The following CARS2 variants were observed in gnomAD, a reference collection of about 807,000 sequenced individuals.
The protein encoded by CARS2 is probable cysteine--tRNA ligase, mitochondrial.
In CARS2, 52 loss-of-function variants were observed where a neutral mutation model predicts 68.8. The observed-to-expected ratio is 0.76, with a 90% CI of 0.61 to 0.95. The LOEUF is 0.95. Among genes scored for constraint, CARS2 ranks in the 40% least tolerant of loss-of-function variants. The pLI, the probability that CARS2 is intolerant of heterozygous loss-of-function variation, is 0.00. For synonymous variants in CARS2, 314 were observed against 303.6 expected, an observed-to-expected ratio of 1.03 and a Z score of -0.36; for missense variants, 780 against 754.2, an observed-to-expected ratio of 1.03 and a Z score of -0.40.
intron 9 of CARS2, among the ~76,000 whole-genome samples, chr13:110,662,349 T>TCATGCAACCCCAC (rs2062533651): frequency 6.7e-6 from 1 of 149,602 alleles, no homozygotes; most frequent in Non-Finnish European, 1.5e-5. Flanking sequence ...TGCAACCCCA[T>TCATGCAACCCCAC]GGCCAGGCTC....
intron 1 of CARS2, chr13:110,712,764 G>A (rs2064046720): frequency 1.4e-6 from 1 of 706,678 alleles, no homozygotes; most frequent in Non-Finnish European, 2.6e-6. Context: ...ATGACACAGG[G>A]CGGGAAGAGA....
At chr13:110,696,266 AATCCTTTGGGT>A (rs1287654271) in intron 3 of CARS2, among the ~76,000 whole-genome samples, 11 of 147,824 alleles carry the variant, frequency 7.4e-5, no homozygotes, top group Non-Finnish European at 1.5e-4. Flanking sequence ...AATGATTTAT[AATCCTTTGGGT>A]ATATACCCAG....
In CARS2 at chr13:110,645,957, G is replaced by A. The variant is rs141996297; in HGVS notation, c.1317+10C>T. The A allele has an allele frequency of 7.1e-3, 11,370 of 1,610,366 alleles. 69 individuals are homozygous for A. Among genetic ancestry groups the A allele is most frequent in the Middle Eastern group, 0.015 (92 of 6,006 alleles). On this transcript the variant is annotated intron_variant, in intron 12 of 14. Transcript: ENST00000257347. ...AGCAGGACCGCAAGGCCACCTGTTC[G>A]TTGAGCTACCTTCAGGGACGCCCTG... is the stretch of plus-strand genomic sequence containing the variant.
At chr13:110,682,049 C>T (rs1021468886) in intron 6 of CARS2, among the ~76,000 whole-genome samples, 18 of 151,914 alleles carry the variant, frequency 1.2e-4, no homozygotes, top group African/African-American at 4.4e-4. Context: ...CGAGAGTGAA[C>T]CCTGATGCCA....
chr13:110,654,914 CCT>C (rs2062321486), intron 9 of CARS2, among the ~76,000 whole-genome samples: 3 of 131,938 alleles, frequency 2.3e-5, no homozygotes, highest in Non-Finnish European at 4.7e-5. Context: ...ACAGCAAAAC[CCT>C]CTCTCAAAAA....
intron 9 of CARS2, 54 bp from the exon 10 acceptor site, chr13:110,651,154 G>T (rs2062201259): frequency 2.5e-6 from 3 of 1,208,866 alleles, no homozygotes; most frequent in Admixed American, 1.9e-5. Context: ...GCTTCGCACT[G>T]TTCAGAGAAT....
At chr13:110,679,404 C>A (rs2063070746) in intron 6 of CARS2, among the ~76,000 whole-genome samples, 3 of 151,486 alleles carry the variant, frequency 2.0e-5, no homozygotes, top group Admixed American at 1.3e-4. Context: ...GTGGCAGGTG[C>A]CTGTAATCCC....
intron 9 of CARS2, among the ~76,000 whole-genome samples, chr13:110,660,666 T>C (rs1188240718): frequency 6.6e-6 from 1 of 152,050 alleles, no homozygotes; most frequent in East Asian, 1.9e-4. Flanking sequence ...ACAGTGGGCT[T>C]AAAATATTCA....
intron 7 of CARS2, among the ~76,000 whole-genome samples, chr13:110,669,187 T>C (rs2062733902): frequency 6.6e-6 from 1 of 152,154 alleles, no homozygotes; most frequent in Non-Finnish European, 1.5e-5. Flanking sequence ...GGAATCTCTT[T>C]CTGGGTCTTG....
Position 110,713,213 on chromosome 13 carries a change from A to G in CARS2, n.323T>C, listed in dbSNP as rs2064057697. ...AAGTAGATTGGCTACTGCGGTTGCC[A>G]GTTCTGTTTCGGGCCCTACTTATAC... On this transcript the variant is annotated non_coding_transcript_exon_variant, in exon 1 of 3. Coordinates refer to the CARS2 transcript ENST00000485188. 2.1e-6 allele frequency: 3 copies of G among 1,419,464 alleles called. No homozygotes were observed. The East Asian group carries it at 7.6e-5, about 36-fold the overall frequency. The allele number at this position is 1,419,464 out of a possible 1,614,324, so 87.9% of individuals were successfully genotyped here. A position where few individuals can be genotyped will look rare whatever the true frequency, so the allele number is the denominator to read the frequency against.
intron 3 of CARS2, among the ~76,000 whole-genome samples, chr13:110,696,554 C>T (rs2063629468): frequency 6.6e-6 from 1 of 152,174 alleles, no homozygotes; most frequent in Non-Finnish European, 1.5e-5. Context: ...CAGATGTTTT[C>T]ATAACTATGG....
At chr13:110,646,147 C>A in intron 11 of CARS2, 57 bp from the exon 12 acceptor site, 2 of 1,560,076 alleles carry the variant, frequency 1.3e-6, no homozygotes, top group Admixed American at 1.9e-5. Context: ...CCCCAGGCGG[C>A]CCCCACACCA....
At chr13:110,682,490 A>G (rs1352563843) in intron 6 of CARS2, among the ~76,000 whole-genome samples, 3 of 152,250 alleles carry the variant, frequency 2.0e-5, no homozygotes, top group Non-Finnish European at 4.4e-5. Flanking sequence ...TACCTTGAAC[A>G]GTCTTTGGGG....
rs1888068496 is a variant in CARS2 at position 110,646,039 on chromosome 13, G to A, written c.1245C>T (p.Asp415=). ...AVKAALADDF[D]TPRVVDAILG... is the part of the protein sequence containing the mutation. ...GGATGGCATCAACCACCCTGGGTGT[G>A]TCAAAATCATCTGCCAAGGCCGCCT... Residue 415 remains aspartate (D), a synonymous_variant, in exon 12 of 15, where the codon GAC becomes GAT. Transcript: ENST00000257347. 1 of 1,613,994 alleles carries A rather than the reference G, an allele frequency of 6.2e-7. No individual in the cohort carries two copies. The highest frequency in any genetic ancestry group is 1.1e-5 in the South Asian group (1 of 91,058).
chr13:110,680,282 C>T (rs1258779401), intron 6 of CARS2, among the ~76,000 whole-genome samples: 1 of 152,106 alleles, frequency 6.6e-6, no homozygotes, highest in Non-Finnish European at 1.5e-5. Flanking sequence ...ATCCCAGCTA[C>T]TCTGGAGGCT....
chr13:110,655,950 T>C (rs1314421680), intron 9 of CARS2, among the ~76,000 whole-genome samples: 1 of 152,196 alleles, frequency 6.6e-6, no homozygotes, highest in African/African-American at 2.4e-5. Flanking sequence ...AGGCCAGCCT[T>C]CTCCATGCTC....
At chr13:110,706,936 T>C (rs1316084190), upstream of CARS2, among the ~76,000 whole-genome samples, 1 of 143,356 alleles carries the variant, frequency 7.0e-6, no homozygotes, top group Non-Finnish European at 1.5e-5. Flanking sequence ...CAATACACAG[T>C]ATGCACCCTA....
chr13:110,712,538 G>GGGGA, intron 1 of CARS2: 1 of 313,534 alleles, frequency 3.2e-6, no homozygotes, highest in Non-Finnish European at 6.3e-6. Flanking sequence ...GAAGGGGGGG[G>GGGGA]GCCGGCGCGC....
At chr13:110,678,638 G>A (rs145257060) in intron 6 of CARS2, among the ~76,000 whole-genome samples, 10 of 152,310 alleles carry the variant, frequency 6.6e-5, no homozygotes, top group South Asian at 4.1e-4. Flanking sequence ...ACCTTATGCC[G>A]AAGGAAAATA....
Sources: gnomAD v4.1 joint callset for allele counts (sites outside exome capture counted in the v4.1 genomes callset) on GRCh38, gnomAD v4.1.1 for gene constraint, MANE v1.5 for transcripts, NCBI Gene and HGNC (gene_info 2026-07-23, HGNC 2026-07-21) for gene names.